The following SLC44A1 variants were observed in gnomAD, a reference collection of about 807,000 sequenced individuals.
The protein encoded by SLC44A1 is solute carrier family 44 member 1, also known as choline transporter-like protein 1.
A neutral mutation model predicts 79.3 loss-of-function variants in SLC44A1; 26 were observed. The ratio of observed to expected loss-of-function variants is 0.33; its 90% confidence interval spans 0.24 to 0.46. The LOEUF (loss-of-function observed/expected upper bound fraction) is 0.46. Among genes scored for constraint, SLC44A1 ranks in the 20% least tolerant of loss-of-function variants. SLC44A1 has a pLI of 1.00. For missense variants in SLC44A1, 688 were observed against 798.1 expected (o/e 0.86, Z 1.66); for synonymous variants, 263 against 286.2 (o/e 0.92, Z 0.82).
intron 1 of SLC44A1, among the ~76,000 whole-genome samples, chr9:105,255,752 A>G (rs375034): frequency 0.22 from 33,843 of 152,098 alleles, 6,850 homozygotes; most frequent in African/African-American, 0.54. Flanking sequence ...AGACTATATC[A>G]ATTTGAATCC....
At chr9:105,269,300 C>T (rs1830029164) in intron 1 of SLC44A1, among the ~76,000 whole-genome samples, 1 of 152,128 alleles carries the variant, frequency 6.6e-6, no homozygotes, top group Non-Finnish European at 1.5e-5. Context: ...TTAAACATTT[C>T]CTTTCAGATC....
chr9:105,310,645 A>C (rs1414770255), intron 3 of SLC44A1, among the ~76,000 whole-genome samples: 1 of 152,218 alleles, frequency 6.6e-6, no homozygotes, highest in African/African-American at 2.4e-5. Flanking sequence ...AAGGCTAAGC[A>C]GGTATCATTT....
intron 15 of SLC44A1, among the ~76,000 whole-genome samples, chr9:105,416,631 G>A (rs879827527): frequency 3.3e-5 from 5 of 152,076 alleles, no homozygotes; most frequent in East Asian, 1.9e-4. Context: ...TAGCATTTGC[G>A]GCATATGCAC....
At chr9:105,431,107 C>T (rs10441772) in intron 15 of SLC44A1, among the ~76,000 whole-genome samples, 6,241 of 152,142 alleles carry the variant, frequency 0.041, 405 homozygotes, top group African/African-American at 0.14. Flanking sequence ...CTATCATGAC[C>T]CAGAAATCAT....
chr9:105,420,599 C>T (rs1212544252), intron 15 of SLC44A1, among the ~76,000 whole-genome samples: 1 of 152,034 alleles, frequency 6.6e-6, no homozygotes, highest in African/African-American at 2.4e-5. Context: ...TGGTGGCTCA[C>T]GCCTGTAATC....
chr9:105,340,389 G>A (rs1168572329), intron 4 of SLC44A1, among the ~76,000 whole-genome samples: 1 of 152,166 alleles, frequency 6.6e-6, no homozygotes, highest in Non-Finnish European at 1.5e-5. Context: ...AGAGTGGAAG[G>A]GGAATATTGT....
intron 1 of SLC44A1, among the ~76,000 whole-genome samples, chr9:105,282,776 G>A (rs1368697830): frequency 6.6e-6 from 1 of 152,082 alleles, no homozygotes; most frequent in Non-Finnish European, 1.5e-5. Context: ...CTTGAACTCT[G>A]ACCTCGTGAT....
chr9:105,278,217 C>T (rs1310254057), intron 1 of SLC44A1, among the ~76,000 whole-genome samples: 3 of 150,972 alleles, frequency 2.0e-5, no homozygotes, highest in African/African-American at 2.4e-5. Flanking sequence ...GTGCCACTAC[C>T]GCCTGGCTAA....
chr9:105,340,041 G>A (rs531023838), intron 4 of SLC44A1, among the ~76,000 whole-genome samples: 1 of 152,232 alleles, frequency 6.6e-6, no homozygotes, highest in African/African-American at 2.4e-5. Flanking sequence ...AACTGAAGGA[G>A]AGGGAAAAAG....
intron 1 of SLC44A1, among the ~76,000 whole-genome samples, chr9:105,271,770 C>T (rs150678128): frequency 1.1e-4 from 16 of 152,232 alleles, no homozygotes; most frequent in African/African-American, 1.4e-4. Flanking sequence ...CCTGCCATCA[C>T]GCCTGGCTAA....
At chr9:105,250,475 C>A (rs1829558221) in intron 1 of SLC44A1, among the ~76,000 whole-genome samples, 1 of 152,166 alleles carries the variant, frequency 6.6e-6, no homozygotes, top group African/African-American at 2.4e-5. Flanking sequence ...TTCTATGCTC[C>A]CCTTTCCCCT....
At chr9:105,421,584 T>C (rs1025103764) in intron 15 of SLC44A1, among the ~76,000 whole-genome samples, 10 of 128,302 alleles carry the variant, frequency 7.8e-5, no homozygotes, top group East Asian at 4.0e-4. Flanking sequence ...AGAAATCTCT[T>C]TTTTTTTTTT....
At chr9:105,247,315 A>G (rs1829480163) in intron 1 of SLC44A1, among the ~76,000 whole-genome samples, 1 of 151,986 alleles carries the variant, frequency 6.6e-6, no homozygotes, top group South Asian at 2.1e-4. Context: ...TTTTCTTCAG[A>G]CGGGGTTTCG....
At chr9:105,250,341 CA>C (rs1355905974) in intron 1 of SLC44A1, among the ~76,000 whole-genome samples, 4 of 152,104 alleles carry the variant, frequency 2.6e-5, no homozygotes, top group Non-Finnish European at 5.9e-5. Context: ...CCAGGCTTAA[CA>C]AATACTATAC....
At chr9:105,354,075 G>T in intron 5 of SLC44A1, among the ~76,000 whole-genome samples, 1 of 113,110 alleles carries the variant, frequency 8.8e-6, no homozygotes, top group Non-Finnish European at 1.6e-5. Context: ...TTTTGAGACG[G>T]AGTCTCTCTC....
At chr9:105,375,361 T>C (rs1427946370) in intron 13 of SLC44A1, among the ~76,000 whole-genome samples, 1 of 152,174 alleles carries the variant, frequency 6.6e-6, no homozygotes, top group Non-Finnish European at 1.5e-5. Context: ...TTTTGAACTG[T>C]AAAGAATTAG....
At chr9:105,402,839 G>A (rs1419630053) in intron 15 of SLC44A1, among the ~76,000 whole-genome samples, 16 of 152,072 alleles carry the variant, frequency 1.1e-4, no homozygotes. Flanking sequence ...TATACAAAAA[G>A]ATTTTTTTTA....
At chr9:105,368,492 G>T (rs889791603) in intron 12 of SLC44A1, among the ~76,000 whole-genome samples, 16 of 152,126 alleles carry the variant, frequency 1.1e-4, no homozygotes, top group African/African-American at 3.6e-4. Context: ...CTGTTTCATA[G>T]ATGAGAAAAT....
intron 15 of SLC44A1, among the ~76,000 whole-genome samples, chr9:105,411,837 C>T (rs986905033): frequency 1.3e-5 from 2 of 152,170 alleles, no homozygotes; most frequent in Admixed American, 1.3e-4. Context: ...CACATGATCT[C>T]GTTTGTCCCA....
Sources: gnomAD v4.1 joint callset for allele counts (sites outside exome capture counted in the v4.1 genomes callset) on GRCh38, gnomAD v4.1.1 for gene constraint, MANE v1.5 for transcripts, NCBI Gene and HGNC (gene_info 2026-07-23, HGNC 2026-07-21) for gene names.